The following DNAJC15 variants were observed in gnomAD, a reference collection of about 807,000 sequenced individuals.
DNAJC15 encodes DnaJ heat shock protein family (Hsp40) member C15.
DNAJC15 carries 27 observed loss-of-function variants against 22.4 expected under a neutral mutation model. The observed-to-expected ratio is 1.20, with a 90% CI of 0.89 to 1.66. The LOEUF (loss-of-function observed/expected upper bound fraction) is 1.66. Ranked by LOEUF, DNAJC15 falls within the 40% of genes most tolerant of loss-of-function variation. The pLI, the probability that DNAJC15 is intolerant of heterozygous loss-of-function variation, is 0.00. For missense variants in DNAJC15, 208 were observed against 187.1 expected (o/e 1.11, Z -0.65); for synonymous variants, 79 against 63.2 (o/e 1.25, Z -1.19).
chr13:43,069,011 A>G lies in DNAJC15; in HGVS notation c.234+8A>G, dbSNP rs776092175. The G allele has an allele frequency of 6.2e-7, 1 of 1,609,814 alleles. No homozygotes were observed. Among genetic ancestry groups the G allele is most frequent in the Non-Finnish European group, 8.5e-7 (1 of 1,178,126 alleles). ...AAGAAGATTTCAACTCCTGTAAGTT[A>G]AACGTGGCTTTAGTTAGAAGACTCA... is the stretch of plus-strand genomic sequence containing the variant. On this transcript the variant is annotated splice_region_variant and intron_variant, in intron 3 of 5. Transcript: ENST00000379221.
At chr13:43,030,843 G>C (rs1174666622) in intron 1 of DNAJC15, among the ~76,000 whole-genome samples, 2 of 152,182 alleles carry the variant, frequency 1.3e-5, no homozygotes, top group African/African-American at 4.8e-5. Context: ...CTTTTCAAGG[G>C]TAAGGGAATG....
At chr13:43,066,834 T>A (rs2040586424) in intron 2 of DNAJC15, among the ~76,000 whole-genome samples, 1 of 152,106 alleles carries the variant, frequency 6.6e-6, no homozygotes, top group East Asian at 1.9e-4. Context: ...TTAGCCAGGA[T>A]GGTTTCGATC....
chr13:43,058,956 T>TG (rs1325114981), intron 1 of DNAJC15, among the ~76,000 whole-genome samples: 1 of 152,208 alleles, frequency 6.6e-6, no homozygotes, highest in Non-Finnish European at 1.5e-5. Flanking sequence ...TTTGGGCACT[T>TG]AACGGTTTTT....
intron 4 of DNAJC15, among the ~76,000 whole-genome samples, chr13:43,081,508 C>G (rs1311281240): frequency 6.6e-6 from 1 of 151,710 alleles, no homozygotes; most frequent in East Asian, 1.9e-4. Context: ...GCACGATCTC[C>G]CCTCACTGCA....
chr13:43,061,644 AAG>A (rs2040559561), intron 1 of DNAJC15, among the ~76,000 whole-genome samples: 3 of 152,348 alleles, frequency 2.0e-5, no homozygotes, highest in African/African-American at 7.2e-5. Flanking sequence ...AAAGCAGTAC[AAG>A]AGAGGGAGAG....
chr13:43,078,304 A>G (rs559663496), intron 3 of DNAJC15, among the ~76,000 whole-genome samples: 1 of 152,334 alleles, frequency 6.6e-6, no homozygotes, highest in East Asian at 1.9e-4. Context: ...ATCCAATGAG[A>G]AAAGTACTAC....
chr13:43,045,621 C>T (rs1018366406), intron 1 of DNAJC15, among the ~76,000 whole-genome samples: 1 of 152,160 alleles, frequency 6.6e-6, no homozygotes, highest in African/African-American at 2.4e-5. Context: ...GGTTCTAAGT[C>T]ATGAGTTGAT....
At chr13:43,060,100 A>G (rs1213229409) in intron 1 of DNAJC15, among the ~76,000 whole-genome samples, 2 of 152,216 alleles carry the variant, frequency 1.3e-5, no homozygotes, top group African/African-American at 4.8e-5. Flanking sequence ...GGGACCTGAC[A>G]TTCCTGTCTT....
At chr13:43,033,870 A>G (rs1472300571) in intron 1 of DNAJC15, among the ~76,000 whole-genome samples, 1 of 152,108 alleles carries the variant, frequency 6.6e-6, no homozygotes, top group Non-Finnish European at 1.5e-5. Context: ...TCTACTAAAA[A>G]TACAAAAATT....
At position 43,090,323 on chromosome 13, in the gene DNAJC15, G is replaced by A. The variant is rs536017402; in HGVS notation, c.382+4485G>A. Among the ~76,000 whole-genome samples the A allele has an allele frequency of 3.3e-5, 5 of 152,322 alleles. No individual in the cohort carries two copies. The South Asian group carries it at 1.0e-3, about 32-fold the overall frequency. On this transcript the variant is annotated intron_variant, in intron 5 of 5. Transcript: ENST00000379221. ...GTGATGAGTTGGCTGCTTGTGATCA[G>A]CTGAAACTATCTGTTTGTTATACTT...
At chr13:43,051,506 A>T (rs1408606532) in intron 1 of DNAJC15, among the ~76,000 whole-genome samples, 1 of 152,170 alleles carries the variant, frequency 6.6e-6, no homozygotes, top group African/African-American at 2.4e-5. Flanking sequence ...TCCTAGTTAT[A>T]AATGAGAACA....
intron 5 of DNAJC15, among the ~76,000 whole-genome samples, chr13:43,106,968 CA>C (rs1229030622): frequency 6.6e-6 from 1 of 151,786 alleles, no homozygotes; most frequent in East Asian, 1.9e-4. Context: ...TCATTTTTCT[CA>C]GAGGTTTTTT....
chr13:43,073,430 CA>C (rs1488883894), intron 3 of DNAJC15, among the ~76,000 whole-genome samples: 1 of 152,138 alleles, frequency 6.6e-6, no homozygotes, highest in African/African-American at 2.4e-5. Context: ...ACCTACCACC[CA>C]AAATAAGATG....
At chr13:43,024,591 G>T (rs916351036) in intron 1 of DNAJC15, among the ~76,000 whole-genome samples, 30 of 151,842 alleles carry the variant, frequency 2.0e-4, no homozygotes, top group Admixed American at 4.6e-4. Context: ...TGATCCGCCC[G>T]CCTCGGCCTC....
chr13:43,042,421 G>C (rs1366285104), intron 1 of DNAJC15, among the ~76,000 whole-genome samples: 2 of 152,110 alleles, frequency 1.3e-5, no homozygotes, highest in Non-Finnish European at 2.9e-5. Context: ...GCAATATAGA[G>C]CAGGCACTCT....
intron 1 of DNAJC15, among the ~76,000 whole-genome samples, chr13:43,035,521 A>G (rs1045786122): frequency 2.0e-5 from 3 of 152,196 alleles, no homozygotes; most frequent in Non-Finnish European, 4.4e-5. Context: ...AGAGAACTAA[A>G]CCAAGGGAGA....
At chr13:43,031,574 A>T (rs1038762648) in intron 1 of DNAJC15, among the ~76,000 whole-genome samples, 1 of 152,238 alleles carries the variant, frequency 6.6e-6, no homozygotes, top group East Asian at 1.9e-4. Flanking sequence ...AATAAGAGTG[A>T]TGATAGCTGA....
At chr13:43,027,230 A>C (rs967670865) in intron 1 of DNAJC15, among the ~76,000 whole-genome samples, 1 of 152,174 alleles carries the variant, frequency 6.6e-6, no homozygotes, top group Non-Finnish European at 1.5e-5. Context: ...TGTAACTCTT[A>C]CTTTTATTTT....
At chr13:43,106,367 T>C (rs1473113077) in intron 5 of DNAJC15, among the ~76,000 whole-genome samples, 2 of 152,126 alleles carry the variant, frequency 1.3e-5, no homozygotes, top group Admixed American at 1.3e-4. Context: ...CATGTGACAG[T>C]TTGGTGCTAG....
Sources: allele counts gnomAD v4.1 joint callset (sites outside exome capture counted in the v4.1 genomes callset), GRCh38; gene constraint gnomAD v4.1.1; transcripts MANE v1.5; gene names NCBI Gene and HGNC (gene_info 2026-07-23, HGNC 2026-07-21).